ATR: variants seen among roughly 807,000 people sequenced by gnomAD.
ATR encodes the protein ATR checkpoint kinase.
Under a neutral mutation model 305.3 loss-of-function variants are expected in ATR, and 142 were observed. That is an observed-to-expected ratio of 0.47 (90% CI 0.41 to 0.53). The LOEUF (loss-of-function observed/expected upper bound fraction) is 0.53. ATR is among the 20% of genes least tolerant of loss of function. The pLI is 0.00. For synonymous variants in ATR, 1,050 were observed against 1,068.1 expected (o/e 0.98, Z 0.33); for missense variants, 2,135 against 3,133.1 (o/e 0.68, Z 7.60).
At chr3:142,503,292 C>A in intron 30 of ATR, 70 bp downstream of exon 30, 1 of 1,068,520 alleles carries the variant, frequency 9.4e-7, no homozygotes, top group Middle Eastern at 2.1e-4. Context: ...CATTAAATTA[C>A]CCAATTCACT....
At chr3:142,547,659 A>G in intron 16 of ATR, 66 bp downstream of exon 16, 9 of 1,533,460 alleles carry the variant, frequency 5.9e-6, no homozygotes, top group Admixed American at 1.7e-5. Context: ...GATTTCTTCA[A>G]TTTTATAATT....
At chr3:142,560,912 A>C (rs2034856525) in intron 5 of ATR, among the ~76,000 whole-genome samples, 1 of 152,240 alleles carries the variant, frequency 6.6e-6, no homozygotes, top group Non-Finnish European at 1.5e-5. Context: ...GAAGTAACTG[A>C]AATATGGCAA....
chr3:142,493,782 C>T (rs977380945), intron 34 of ATR, among the ~76,000 whole-genome samples: 1 of 151,804 alleles, frequency 6.6e-6, no homozygotes, highest in African/African-American at 2.4e-5. Flanking sequence ...GGGGAAGGAT[C>T]GCTTGAGCCC....
intron 8 of ATR, 21 bp from the exon 9 acceptor site, chr3:142,556,596 A>C: frequency 2.5e-6 from 4 of 1,609,122 alleles, no homozygotes; most frequent in Non-Finnish European, 3.4e-6. Flanking sequence ...TAAGTCTATT[A>C]AACAAGATTT....
chr3:142,512,583 T>C, intron 26 of ATR, 113 bp from the exon 27 acceptor site: 1 of 885,310 alleles, frequency 1.1e-6, no homozygotes, highest in Non-Finnish European at 1.6e-6. Context: ...AAAAACACAA[T>C]TGGCCAGGCA....
At position 142,550,186 on chromosome 3, in the gene ATR, C is replaced by G. The variant is rs763559215; in HGVS notation, c.2922G>C (p.Thr974=). 4 of 1,614,108 alleles carry G rather than the reference C, an allele frequency of 2.5e-6. No individual in the cohort carries two copies. In the South Asian group the frequency reaches 4.4e-5, roughly 18 times the overall value. The change falls in exon 14 of 47, where the codon ACG becomes ACC. Residue 974 remains threonine (T), a synonymous_variant. Transcript: ENST00000350721. ...CGAAAACGTTGGCAATTTCAGACAA[C>G]GTATTTAAAGCCATTTCTCTCTGGT... ...VAHQREMALN[T]LSEIANVFDF...
chr3:142,557,959 A>G (rs1306075422), intron 8 of ATR, among the ~76,000 whole-genome samples: 7 of 152,146 alleles, frequency 4.6e-5, no homozygotes, highest in African/African-American at 1.7e-4. Flanking sequence ...TAAACTGAGA[A>G]GTTGGTATAA....
intron 36 of ATR, among the ~76,000 whole-genome samples, chr3:142,479,160 T>C (rs1013843052): frequency 2.0e-5 from 3 of 152,180 alleles, no homozygotes; most frequent in African/African-American, 7.2e-5. Flanking sequence ...TGCTCGTTAG[T>C]TGATGCAGTT....
At chr3:142,555,764 A>G in intron 10 of ATR, 113 bp downstream of exon 10, 1 of 1,300,972 alleles carries the variant, frequency 7.7e-7, no homozygotes, top group Non-Finnish European at 1.1e-6. Flanking sequence ...CACTGAATCT[A>G]TAAAGCATGT....
chr3:142,562,315 A>T lies in ATR; in HGVS notation c.1087T>A (p.Ser363Thr). The T allele has an allele frequency of 6.2e-7, 1 of 1,614,154 alleles. No individual in the cohort carries two copies. Among genetic ancestry groups the T allele is most frequent in the Non-Finnish European group, 8.5e-7 (1 of 1,179,998 alleles). Reference protein sequence around the residue: ...FLKFVPAGYESALQVRKVYVR... With the variant: ...FLKFVPAGYETALQVRKVYVR... Reference sequence around the variant, plus strand: ...TAGACCTTCCTGACTTGTAAAGCAGATTCATACCCAGCTGGCACAAATTTA... The same window carrying T: ...TAGACCTTCCTGACTTGTAAAGCAGTTTCATACCCAGCTGGCACAAATTTA... Residue 363 changes from serine (S) to threonine (T), a missense_variant, in exon 4 of 47, where the codon TCT becomes ACT. Ser to Thr is a moderately conservative substitution (Grantham distance 58, BLOSUM62 1). This residue lies in a region of ATR where 744 missense variants were observed against 873.2 expected (regional missense o/e 0.85). Transcript: ENST00000350721.
At chr3:142,474,184 C>T (rs562949078) in intron 36 of ATR, among the ~76,000 whole-genome samples, 1 of 151,804 alleles carries the variant, frequency 6.6e-6, no homozygotes, top group South Asian at 2.1e-4. Context: ...GCCTCAGTTT[C>T]CCAAAGTGCT....
At chr3:142,476,869 G>A (rs1234690594) in intron 36 of ATR, among the ~76,000 whole-genome samples, 3 of 152,134 alleles carry the variant, frequency 2.0e-5, no homozygotes, top group African/African-American at 7.2e-5. Flanking sequence ...GTGAATAGGA[G>A]TTCACTCATG....
chr3:142,561,212 C>G, intron 5 of ATR, 31 bp downstream of exon 5: 1 of 1,602,202 alleles, frequency 6.2e-7, no homozygotes, highest in Non-Finnish European at 8.6e-7. Context: ...TATTTAATGG[C>G]TAAATACAAA....
At position 142,469,413 on chromosome 3, in the gene ATR, A is replaced by G; in HGVS notation, c.6476T>C (p.Val2159Ala). 1.2e-6 allele frequency: 2 copies of G among 1,614,030 alleles called. No homozygotes were observed. Among genetic ancestry groups the G allele is most frequent in the African/African-American group, 1.3e-5 (1 of 75,038 alleles). ...TACTTTGGCTATTATTTCCATCAAG[A>G]CAACAAAAACTTCATCGTGAGAATG... ...ICHSHDEVFV[V>A]LMEIIAKVFL... is the part of the protein sequence containing the mutation. Residue 2159 changes from valine to alanine, a missense_variant, in exon 38 of 47, where the codon GTC becomes GCC. Val to Ala is a moderately conservative substitution (Grantham distance 64). Coordinates refer to ENST00000350721, the MANE Select transcript of ATR (RefSeq NM_001184.4).
At chr3:142,575,042 ACTTG>A (rs2035392669) in intron 1 of ATR, among the ~76,000 whole-genome samples, 1 of 152,058 alleles carries the variant, frequency 6.6e-6, no homozygotes, top group South Asian at 2.1e-4. Context: ...GTTTTAAAAA[ACTTG>A]CTTATTTCCC....
At chr3:142,536,882 G>A (rs2033879998) in intron 19 of ATR, among the ~76,000 whole-genome samples, 1 of 152,146 alleles carries the variant, frequency 6.6e-6, no homozygotes, top group Non-Finnish European at 1.5e-5. Context: ...AAATTATCAT[G>A]AAGAATTATA....
At chr3:142,493,697 G>A (rs1056391372) in intron 34 of ATR, among the ~76,000 whole-genome samples, 1 of 151,996 alleles carries the variant, frequency 6.6e-6, no homozygotes, top group East Asian at 1.9e-4. Flanking sequence ...GCAAGATCCT[G>A]TCTCTACAAA....
At chr3:142,492,221 T>C (rs1275721993) in intron 35 of ATR, among the ~76,000 whole-genome samples, 2 of 152,188 alleles carry the variant, frequency 1.3e-5, no homozygotes, top group Non-Finnish European at 2.9e-5. Context: ...TTAAGGTCTT[T>C]ACTGAATGCT....
chr3:142,512,383 T>C lies in ATR; in HGVS notation c.4729A>G (p.Ser1577Gly), dbSNP rs2032623342. 1 of 1,613,444 alleles carries C rather than the reference T, an allele frequency of 6.2e-7. No individual in the cohort carries two copies. The highest frequency in any genetic ancestry group is 1.1e-5 in the South Asian group (1 of 91,056). Reference sequence around the variant, plus strand: ...AGCATGGAGAACACAGTCTGTGTACTGAGTTGACACAGATCAGATGCAATG... The same window carrying C: ...AGCATGGAGAACACAGTCTGTGTACCGAGTTGACACAGATCAGATGCAATG... ...QDIASDLCQL[S>G]TQTVFSMLDH... Residue 1577 changes from serine to glycine, a missense_variant, in exon 27 of 47, where the codon AGT (serine) becomes GGT (glycine). Transcript: ENST00000350721.
Sources: allele counts gnomAD v4.1 joint callset (sites outside exome capture counted in the v4.1 genomes callset), GRCh38; gene constraint gnomAD v4.1.1; regional missense constraint gnomAD v4.1.1; transcripts MANE v1.5; gene names NCBI Gene and HGNC (gene_info 2026-07-23, HGNC 2026-07-21).